Variants in KCNU1 observed in about 807,000 individuals in gnomAD.
KCNU1 encodes potassium channel subfamily U member 1.
A neutral mutation model predicts 126.8 loss-of-function variants in KCNU1; 93 were observed. The observed-to-expected ratio is 0.73, with a 90% CI of 0.62 to 0.87. KCNU1 has a LOEUF of 0.87. KCNU1 is among the 40% of genes least tolerant of loss of function. The pLI, the probability that KCNU1 is intolerant of heterozygous loss-of-function variation, is 0.00. For missense variants in KCNU1, 1,330 were observed against 1,367.1 expected (o/e 0.97, Z 0.43); for synonymous variants, 523 against 494.2 (o/e 1.06, Z -0.77).
At chr8:36,794,882 T>A (rs1023056997) in intron 2 of KCNU1, among the ~76,000 whole-genome samples, 1 of 151,988 alleles carries the variant, frequency 6.6e-6, no homozygotes, top group Non-Finnish European at 1.5e-5. Context: ...GGAGCTGAGA[T>A]TGCACCACCC....
rs2117336956 is a variant in KCNU1 at position 36,864,427 on chromosome 8, A to C, written c.1915A>C (p.Lys639Gln). 1 of 1,610,488 alleles carries C rather than the reference A, an allele frequency of 6.2e-7. No individual in the cohort carries two copies. The highest frequency in any genetic ancestry group is 8.5e-7 in the Non-Finnish European group (1 of 1,176,920). Residue 639 changes from lysine to glutamine, a missense_variant, in exon 19 of 27, where the codon AAA (lysine) becomes CAA (glutamine). Coordinates refer to ENST00000399881, the MANE Select transcript of KCNU1 (RefSeq NM_001031836.3). ...AGTGCCATCGGTAAAGAGAATGAAA[A>C]AATGTCTGAAGGGAATCTCCTCTCG... ...ITVPSVKRMK[K>Q]CLKGISSRIS...
chr8:36,917,209 G>C (rs367881778), intron 22 of KCNU1, among the ~76,000 whole-genome samples: 3 of 152,250 alleles, frequency 2.0e-5, no homozygotes, highest in Admixed American at 6.5e-5. Flanking sequence ...GATCTTGAAG[G>C]TTTACAATAT....
chr8:36,835,496 C>G (rs1010322965), intron 12 of KCNU1, among the ~76,000 whole-genome samples: 11 of 151,962 alleles, frequency 7.2e-5, no homozygotes, highest in African/African-American at 2.7e-4. Context: ...CATGTGCCAC[C>G]ACGCCAGACT....
chr8:36,857,437 G>A (rs953297240), intron 18 of KCNU1, among the ~76,000 whole-genome samples: 4 of 152,152 alleles, frequency 2.6e-5, no homozygotes, highest in Non-Finnish European at 5.9e-5. Flanking sequence ...TGGAGGGAGG[G>A]GGAGCCCTGC....
chr8:36,882,417 T>C (rs933590075), intron 19 of KCNU1, among the ~76,000 whole-genome samples: 3 of 152,154 alleles, frequency 2.0e-5, no homozygotes, highest in African/African-American at 7.2e-5. Flanking sequence ...AGGCAGTCAA[T>C]TAGTTATGTA....
chr8:36,864,046 G>C (rs1447678472), intron 18 of KCNU1, among the ~76,000 whole-genome samples: 1 of 152,140 alleles, frequency 6.6e-6, no homozygotes, highest in Non-Finnish European at 1.5e-5. Context: ...TCTGCAGGAA[G>C]GAGACAGGAT....
At chr8:36,896,918 A>T (rs1173958011) in intron 19 of KCNU1, among the ~76,000 whole-genome samples, 1 of 152,040 alleles carries the variant, frequency 6.6e-6, no homozygotes, top group Non-Finnish European at 1.5e-5. Flanking sequence ...TCTAGTCTAT[A>T]AAAGCCAAGG....
intron 10 of KCNU1, among the ~76,000 whole-genome samples, chr8:36,829,083 G>A (rs563527937): frequency 2.2e-4 from 34 of 151,934 alleles, no homozygotes; most frequent in Non-Finnish European, 4.0e-4. Flanking sequence ...ACTCATCCAT[G>A]TGTTTTGCCT....
rs1804685647 is a variant in KCNU1, at chr8:36,834,797, A to G, written c.1224A>G (p.Ala408=). The part of the protein sequence containing the change: ...EDLRRVAVES[A]EACLIIANPL... The stretch of plus-strand genomic sequence containing the variant: ...ATCTTGAAGGGTAGGTGGAATCTGC[A>G]GAGGCATGCCTGATTATAGCCAATC... The change falls in exon 12 of 27, where the codon GCA becomes GCG. Residue 408 remains alanine, a synonymous_variant. Transcript: ENST00000399881. 2 of 1,609,648 alleles carry G rather than the reference A, an allele frequency of 1.2e-6. No individual in the cohort carries two copies. The highest frequency in any genetic ancestry group is 2.7e-5 in the African/African-American group (2 of 74,846).
intron 19 of KCNU1, among the ~76,000 whole-genome samples, chr8:36,882,734 C>T (rs1806534511): frequency 6.6e-6 from 1 of 152,068 alleles, no homozygotes; most frequent in Non-Finnish European, 1.5e-5. Flanking sequence ...CAGGCATGCG[C>T]CACCACACCC....
intron 18 of KCNU1, among the ~76,000 whole-genome samples, chr8:36,848,449 T>G (rs1805226330): frequency 6.6e-6 from 1 of 152,206 alleles, no homozygotes; most frequent in East Asian, 1.9e-4. Flanking sequence ...CATTTCGAGC[T>G]AATTTTTATA....
chr8:36,924,282 A>C (rs2117594537), intron 24 of KCNU1, among the ~76,000 whole-genome samples: 1 of 152,350 alleles, frequency 6.6e-6, no homozygotes, highest in South Asian at 2.1e-4. Context: ...TAAATGCAGA[A>C]GAATCTGAGC....
intron 10 of KCNU1, among the ~76,000 whole-genome samples, chr8:36,824,062 C>T (rs922667452): frequency 1.3e-5 from 2 of 152,130 alleles, no homozygotes; most frequent in Non-Finnish European, 2.9e-5. Context: ...GTCTTGAACT[C>T]CTGACCTCAG....
At chr8:36,919,596 A>G (rs1040813872) in intron 23 of KCNU1, among the ~76,000 whole-genome samples, 14 of 152,114 alleles carry the variant, frequency 9.2e-5, no homozygotes, top group African/African-American at 3.4e-4. Flanking sequence ...TTGCTGGGGC[A>G]CCAGGGGACG....
At chr8:36,804,848 A>G (rs571791186) in intron 3 of KCNU1, among the ~76,000 whole-genome samples, 2 of 152,284 alleles carry the variant, frequency 1.3e-5, no homozygotes, top group East Asian at 3.9e-4. Flanking sequence ...AAGAGAATTA[A>G]TTCAAAATAT....
intron 19 of KCNU1, among the ~76,000 whole-genome samples, chr8:36,893,686 G>T (rs1469805562): frequency 6.6e-6 from 1 of 151,960 alleles, no homozygotes; most frequent in African/African-American, 2.4e-5. Context: ...GAAGCTTATT[G>T]TTCTTACCAA....
chr8:36,874,469 C>G (rs1433582098), intron 19 of KCNU1, among the ~76,000 whole-genome samples: 1 of 152,150 alleles, frequency 6.6e-6, no homozygotes, highest in African/African-American at 2.4e-5. Context: ...CGCCACTCTA[C>G]CCTCACTCAA....
intron 2 of KCNU1, among the ~76,000 whole-genome samples, chr8:36,802,616 A>AGTGAGAGAAGAGTGGCC (rs1803353640): frequency 6.6e-6 from 1 of 152,214 alleles, no homozygotes; most frequent in African/African-American, 2.4e-5. Context: ...GGTGAGAAGT[A>AGTGAGAGAAGAGTGGCC]GTGAGAGAAG....
In KCNU1 at chr8:36,922,542, C is replaced by T; in HGVS notation, c.2649C>T (p.Ser883=). 6.2e-7 allele frequency: 1 copy of T among 1,613,628 alleles called. No homozygotes were observed. The highest frequency in any genetic ancestry group is 1.1e-5 in the South Asian group (1 of 91,056). ...AACAGCTTGGTGGACTGGAAGGGTC[C>T]CTCCAAGAAACAAATCTGCATCTCA... ...FIEQLGGLEG[S]LQETNLHLST... is the part of the protein sequence containing the mutation. Residue 883 remains serine (S), a synonymous_variant, in exon 24 of 27, where the codon TCC becomes TCT. Coordinates refer to ENST00000399881, the MANE Select transcript of KCNU1 (RefSeq NM_001031836.3).
Sources: allele counts gnomAD v4.1 joint callset (sites outside exome capture counted in the v4.1 genomes callset), GRCh38; gene constraint gnomAD v4.1.1; transcripts MANE v1.5; gene names NCBI Gene and HGNC (gene_info 2026-07-23, HGNC 2026-07-21).